The following TNRC18 variants were observed in gnomAD, a reference collection of about 807,000 sequenced individuals.
The protein encoded by TNRC18 is trinucleotide repeat containing 18.
In TNRC18, 69 loss-of-function variants were observed where a neutral mutation model predicts 226.7. That is an observed-to-expected ratio of 0.30 (90% confidence interval 0.25 to 0.37). TNRC18 has a LOEUF of 0.37. Among genes scored for constraint, TNRC18 ranks in the 10% least tolerant of loss-of-function variants. The probability of loss-of-function intolerance (pLI) is 1.00; values close to 1 mark genes in which losing one functional copy is unlikely to be tolerated. For missense variants in TNRC18, 4,754 were observed against 4,256.6 expected, an observed-to-expected ratio of 1.12 and a Z score of -3.25; for synonymous variants, 2,449 against 1,927.6, an observed-to-expected ratio of 1.27 and a Z score of -7.09.
chr7:5,419,894 C>T (rs1028979783), intron 2 of TNRC18: 1 of 153,796 alleles, frequency 6.5e-6, no homozygotes, highest in African/African-American at 2.4e-5. Flanking sequence ...GAGGTGGCAG[C>T]TCCTGAGAGA....
chr7:5,421,323 G>T lies in TNRC18; in HGVS notation c.-77C>A. On this transcript the variant is annotated 5_prime_UTR_variant, in exon 2 of 30. Coordinates refer to ENST00000430969, the MANE Select transcript of TNRC18 (RefSeq NM_001080495.3). ...CAGTGGGACCTAAAAGTTCGGCCTC[G>T]GCGTAGTCCCAGAGTCCTCGGGCGG... The T allele has an allele frequency of 1.7e-6, 2 of 1,202,208 alleles. No individual in the cohort carries two copies. The highest frequency in any genetic ancestry group is 3.2e-4 in the Middle Eastern group (1 of 3,134). The allele number at this position is 1,202,208 out of a possible 1,614,324, so 74.5% of individuals were successfully genotyped here. A position where few individuals can be genotyped will look rare whatever the true frequency, so the allele number is the denominator to read the frequency against.
chr7:5,359,439 T>A lies in TNRC18; in HGVS notation c.4792A>T (p.Thr1598Ser). Reference sequence around the variant, plus strand: ...GACGAGGCCTCATGTTCATCCCAAGTCTGGTTCCTCCCCCTGGCTTTCCCC... The same window carrying A: ...GACGAGGCCTCATGTTCATCCCAAGACTGGTTCCTCCCCCTGGCTTTCCCC... ...GMGKARGRNQ[T>S]WDEHEASSDF... The change falls in exon 15 of 30, where the codon ACT becomes TCT. Residue 1598 changes from threonine to serine, a missense_variant. Coordinates refer to ENST00000430969, the MANE Select transcript of TNRC18 (RefSeq NM_001080495.3). 2 of 1,614,016 alleles carry A rather than the reference T, an allele frequency of 1.2e-6. No individual in the cohort carries two copies. The highest frequency in any genetic ancestry group is 1.7e-6 in the Non-Finnish European group (2 of 1,179,888).
rs758335620 is a variant in TNRC18, at chr7:5,376,997, G to A, written c.2462-4C>T. 6.4e-7 allele frequency: 1 copy of A among 1,574,272 alleles called. No individual in the cohort carries two copies. The highest frequency in any genetic ancestry group is 1.2e-5 in the South Asian group (1 of 85,836). Reference sequence around the variant, plus strand: ...TGCAGAGATGGGGGACCCAAGCCTAGGAGGAGAAGCCCAGGCCTGAGTCAG... The same window carrying A: ...TGCAGAGATGGGGGACCCAAGCCTAAGAGGAGAAGCCCAGGCCTGAGTCAG... On this transcript the variant is annotated splice_region_variant and splice_polypyrimidine_tract_variant and intron_variant, in intron 7 of 29. Coordinates refer to ENST00000430969, the MANE Select transcript of TNRC18 (RefSeq NM_001080495.3).
At chr7:5,373,960 G>T (rs1224039481) in intron 10 of TNRC18, 95 bp downstream of exon 10, 23 of 1,035,492 alleles carry the variant, frequency 2.2e-5, no homozygotes, top group Middle Eastern at 3.3e-4. Context: ...GAGGTGGAAT[G>T]AACGAACGAT....
rs112785272 is a variant in TNRC18 at position 5,388,319 on chromosome 7, G to A, written c.1505C>T (p.Pro502Leu). ...CCATTTATGCTCAGGGCCGGTGGGCGGGGGGCGCCCGGGCTCCAGGCCGAA... is the reference window on the plus strand; with the variant it reads ...CCATTTATGCTCAGGGCCGGTGGGCAGGGGGCGCCCGGGCTCCAGGCCGAA... Reference protein sequence around the residue: ...KLFGLEPGRPPPTGPEHKWKP... With the variant: ...KLFGLEPGRPLPTGPEHKWKP... The change falls in exon 5 of 30, where the codon CCG becomes CTG. Residue 502 changes from proline to leucine, a missense_variant. Physicochemically the swap from Pro to Leu is moderately conservative, Grantham distance 98 (BLOSUM62 -3). Transcript: ENST00000430969. 21,991 of 1,601,728 alleles carry A rather than the reference G, an allele frequency of 0.014. 410 individuals carry two copies. Among genetic ancestry groups the A allele is most frequent in the Admixed American group, 0.085 (4,973 of 58,488 alleles).
At position 5,377,337 on chromosome 7, in the gene TNRC18, A is replaced by AC; in HGVS notation, c.2461+33_2461+34insG. The AC allele has an allele frequency of 6.9e-6, 5 of 723,860 alleles. No individual in the cohort carries two copies. Among genetic ancestry groups the AC allele is most frequent in the Non-Finnish European group, 1.0e-5 (5 of 483,970 alleles). The allele number at this position is 723,860 out of a possible 1,614,324, so 44.8% of individuals were successfully genotyped here. On this transcript the variant is annotated intron_variant, in intron 7 of 29. Coordinates refer to ENST00000430969, the MANE Select transcript of TNRC18 (RefSeq NM_001080495.3). The surrounding 1 kb of genome is among the most constrained non-coding windows in gnomAD (Gnocchi z 5.8). The stretch of plus-strand genomic sequence containing the variant: ...ACCCGCCCCCTCCCACCCCTCCCTC[A>AC]GAGAAGGGGAGAGACCCTGTGCCCC...
At chr7:5,367,840 G>T (rs532935470) in intron 11 of TNRC18, among the ~76,000 whole-genome samples, 43 of 152,078 alleles carry the variant, frequency 2.8e-4, no homozygotes, top group Non-Finnish European at 5.9e-4. Flanking sequence ...TCCCAGTGGG[G>T]AGGGGGGCGT....
chr7:5,328,565 G>C (rs1372692257), intron 19 of TNRC18, among the ~76,000 whole-genome samples: 3 of 151,118 alleles, frequency 2.0e-5, no homozygotes, highest in Non-Finnish European at 2.9e-5. Flanking sequence ...CTGGAGTGCA[G>C]TGGCACAATC....
intron 2 of TNRC18, among the ~76,000 whole-genome samples, chr7:5,416,585 G>A (rs1477498507): frequency 6.6e-6 from 1 of 151,136 alleles, no homozygotes. Flanking sequence ...GCCAGGCATG[G>A]TGGCTCATGC....
intron 2 of TNRC18, among the ~76,000 whole-genome samples, chr7:5,406,489 A>G (rs1781472085): frequency 6.6e-6 from 1 of 151,212 alleles, no homozygotes; most frequent in African/African-American, 2.4e-5. Context: ...TAATGTTTTT[A>G]AAGACAAATA....
At chr7:5,335,934 C>T (rs915460228) in intron 18 of TNRC18, among the ~76,000 whole-genome samples, 2 of 151,568 alleles carry the variant, frequency 1.3e-5, no homozygotes, top group African/African-American at 4.9e-5. Flanking sequence ...AGGCCATTCA[C>T]AGTGGCTCAC....
At chr7:5,401,680 A>G (rs1157984194) in intron 2 of TNRC18, among the ~76,000 whole-genome samples, 1 of 152,268 alleles carries the variant, frequency 6.6e-6, no homozygotes, top group African/African-American at 2.4e-5. Flanking sequence ...TTTATTTACA[A>G]AAACAAGACG....
At position 5,377,961 on chromosome 7, in the gene TNRC18, A is replaced by T. The variant is rs367558454; in HGVS notation, c.2216T>A (p.Leu739His). 8 of 1,612,526 alleles carry T rather than the reference A, an allele frequency of 5.0e-6. No individual in the cohort carries two copies. The highest frequency in any genetic ancestry group is 6.8e-6 in the Non-Finnish European group (8 of 1,179,576). The change falls in exon 6 of 30, where the codon CTC becomes CAC. Residue 739 changes from leucine (L) to histidine (H), a missense_variant. Physicochemically the swap from Leu to His is moderately conservative, Grantham distance 99. Coordinates refer to ENST00000430969, the MANE Select transcript of TNRC18 (RefSeq NM_001080495.3). This position sits in a 1 kb window ranked among gnomAD's most constrained non-coding sequence, Gnocchi z 5.8. ...CTGATCCCGGTCCAGCCGTGCCCCG[A>T]GCAGCCGTTCCTCCCGGTGTCTGGC... ...DRARHREERL[L>H]GARLDRDQEK... is the part of the protein sequence containing the mutation.
Position 5,421,064 on chromosome 7 carries a change from G to C in TNRC18, c.183C>G (p.His61Gln), listed in dbSNP as rs1223047761. ...GGCACGGCGCGGGGCACTTACCCGG[G>C]TGCGGATGGAGATTCAGGCCGGCCA... is the stretch of plus-strand genomic sequence containing the variant. Reference protein sequence around the residue: ...KYMAGLNLHPHPGEAFLGSFV... With the variant: ...KYMAGLNLHPQPGEAFLGSFV... Residue 61 changes from histidine to glutamine, a missense_variant, in exon 2 of 30, where the codon CAC becomes CAG. Transcript: ENST00000430969. 5 of 1,515,594 alleles carry C rather than the reference G, an allele frequency of 3.3e-6. No individual in the cohort carries two copies. Among genetic ancestry groups the C allele is most frequent in the Admixed American group, 4.1e-5 (2 of 49,350 alleles). The allele number at this position is 1,515,594 out of a possible 1,614,324, so 93.9% of individuals were successfully genotyped here.
At chr7:5,402,178 C>CAAAAAAAAAAAAAAAAAAA (rs35794476) in intron 2 of TNRC18, among the ~76,000 whole-genome samples, 1 of 71,336 alleles carries the variant, frequency 1.4e-5, no homozygotes. Flanking sequence ...GACTCTGTCT[C>CAAAAAAAAAAAAAAAAAAA]AAAAAAAAAA....
intron 18 of TNRC18, among the ~76,000 whole-genome samples, chr7:5,344,416 T>C (rs996971201): frequency 9.2e-5 from 14 of 152,248 alleles, no homozygotes; most frequent in African/African-American, 3.1e-4. Context: ...CTGGTGCCTC[T>C]TTCCAGGACT....
In TNRC18 at chr7:5,388,127, C is replaced by T. The variant is rs774114494; in HGVS notation, c.1697G>A (p.Gly566Asp). The T allele has an allele frequency of 9.0e-6, 14 of 1,555,150 alleles. No individual in the cohort carries two copies. The African/African-American group carries it at 1.9e-4, about 21-fold the overall frequency. Residue 566 changes from glycine to aspartate, a missense_variant, in exon 5 of 30, where the codon GGC (glycine) becomes GAC (aspartate). Coordinates refer to ENST00000430969, the MANE Select transcript of TNRC18 (RefSeq NM_001080495.3). ...AGAGTGCATGTCAGCGACCGGCCGG[C>T]CGCAGGTGGCCGCCGAGCGGGGCAG... ...AVLPRSAATC[G>D]RPVADMHSAA... is the part of the protein sequence containing the mutation.
chr7:5,376,561 G>A (rs907778315), intron 8 of TNRC18, among the ~76,000 whole-genome samples: 10 of 152,206 alleles, frequency 6.6e-5, no homozygotes, highest in African/African-American at 1.9e-4. Flanking sequence ...GGTCTACAAG[G>A]TGGATTCCTG....
chr7:5,361,208 G>A (rs1008493147), intron 14 of TNRC18, among the ~76,000 whole-genome samples: 10 of 152,334 alleles, frequency 6.6e-5, no homozygotes, highest in African/African-American at 2.2e-4. Flanking sequence ...GCACGGCGGA[G>A]ACCGAGCGAC....
Sources: gnomAD v4.1 joint callset for allele counts (sites outside exome capture counted in the v4.1 genomes callset) on GRCh38, gnomAD v4.1.1 for gene constraint, Gnocchi (gnomAD v3.1) non-coding constraint, MANE v1.5 for transcripts, NCBI Gene and HGNC (gene_info 2026-07-23, HGNC 2026-07-21) for gene names.